Variants in CNIH3 observed in about 807,000 individuals in gnomAD.
CNIH3 encodes the protein cornichon family AMPA receptor auxiliary protein 3.
A neutral mutation model predicts 24.1 loss-of-function variants in CNIH3; 14 were observed. That is an observed-to-expected ratio of 0.58 (90% CI 0.38 to 0.91). The LOEUF (loss-of-function observed/expected upper bound fraction) is 0.91, where lower values mean the gene tolerates loss of function less well. Ranked by LOEUF, CNIH3 falls within the 40% of genes least tolerant of loss-of-function variation. The probability of loss-of-function intolerance (pLI) is 0.00; values close to 1 mark genes in which losing one functional copy is unlikely to be tolerated. For synonymous variants in CNIH3, 68 were observed against 73.8 expected, an observed-to-expected ratio of 0.92 and a Z score of 0.40; for missense variants, 178 against 196.8, an observed-to-expected ratio of 0.90 and a Z score of 0.57.
chr1:224,736,830 G>C (rs529506293), intron 5 of CNIH3, among the ~76,000 whole-genome samples: 54 of 152,312 alleles, frequency 3.5e-4, no homozygotes, highest in African/African-American at 1.2e-3. Flanking sequence ...CTTGTCAGAT[G>C]GGTTTCTGTC....
intron 1 of CNIH3, among the ~76,000 whole-genome samples, chr1:224,504,303 G>A (rs964064853): frequency 5.9e-5 from 9 of 152,192 alleles, no homozygotes; most frequent in African/African-American, 9.7e-5. Context: ...CTCAGTAAAT[G>A]TTACCCATTG....
intron 4 of CNIH3, among the ~76,000 whole-genome samples, chr1:224,572,088 T>C (rs1042110775): frequency 6.6e-6 from 1 of 152,162 alleles, no homozygotes; most frequent in East Asian, 1.9e-4. Context: ...ATAAGGAAGA[T>C]ATCTGGATTA....
chr1:224,697,477 A>C (rs571740200), intron 3 of CNIH3, among the ~76,000 whole-genome samples: 1 of 152,256 alleles, frequency 6.6e-6, no homozygotes, highest in East Asian at 1.9e-4. Context: ...GTAATTTTCA[A>C]AATGGTAGCA....
rs1156427839 is a variant in CNIH3, at chr1:224,739,860, C to T, written c.*504C>T. On this transcript the variant is annotated 3_prime_UTR_variant, in exon 6 of 6. Coordinates refer to ENST00000272133, the MANE Select transcript of CNIH3 (RefSeq NM_152495.2). ...GACTCTTGTTGCCTTTCTTCCAAGCCATGGCCATGCCCTTTTTCTCAAATG... is the reference window on the plus strand; with the variant it reads ...GACTCTTGTTGCCTTTCTTCCAAGCTATGGCCATGCCCTTTTTCTCAAATG... 6.5e-6 allele frequency: 1 copy of T among 154,932 alleles called. No individual in the cohort carries two copies. The highest frequency in any genetic ancestry group is 1.4e-5 in the Non-Finnish European group (1 of 70,204). 9.6% of individuals were successfully genotyped at this position (154,932 alleles called of 1,614,324 possible).
Position 224,658,944 on chromosome 1 carries a change from A to C in CNIH3, c.82-22014A>C, listed in dbSNP as rs74146245. Among the ~76,000 whole-genome samples the C allele has an allele frequency of 1.8e-3, 267 of 152,374 alleles. 1 individual carries two copies. The highest frequency in any genetic ancestry group is 6.3e-3 in the African/African-American group (260 of 41,588). Reference sequence around the variant, plus strand: ...TCATAACCTTTTATAATTTTCTATCAGAGCAGATCAATGCTTCAAGAAAAT... The same window carrying C: ...TCATAACCTTTTATAATTTTCTATCCGAGCAGATCAATGCTTCAAGAAAAT... On this transcript the variant is annotated intron_variant, in intron 1 of 5. Transcript: ENST00000272133.
downstream of CNIH3, among the ~76,000 whole-genome samples, chr1:224,589,117 C>T (rs897102928): frequency 5.9e-5 from 9 of 151,948 alleles, no homozygotes; most frequent in African/African-American, 1.2e-4. Flanking sequence ...ACCTGCAATG[C>T]GCGAGTTGAA....
At chr1:224,506,828 G>A (rs917935624) in intron 1 of CNIH3, among the ~76,000 whole-genome samples, 5 of 152,088 alleles carry the variant, frequency 3.3e-5, no homozygotes, top group African/African-American at 4.8e-5. Context: ...GTATCTACAC[G>A]TTGATGAGAA....
chr1:224,602,914 T>C (rs994070147), intron 3 of CNIH3, among the ~76,000 whole-genome samples: 1 of 152,200 alleles, frequency 6.6e-6, no homozygotes, highest in Admixed American at 6.5e-5. Flanking sequence ...AACCGAAAAG[T>C]ATCTGAGACA....
intron 1 of CNIH3, among the ~76,000 whole-genome samples, chr1:224,484,436 A>T (rs1216749020): frequency 6.6e-6 from 1 of 152,136 alleles, no homozygotes; most frequent in East Asian, 1.9e-4. Flanking sequence ...TTTAAAAAAA[A>T]AAAAAAGATT....
intron 5 of CNIH3, among the ~76,000 whole-genome samples, chr1:224,584,432 G>T (rs1192178050): frequency 6.6e-6 from 1 of 152,094 alleles, no homozygotes; most frequent in Non-Finnish European, 1.5e-5. Context: ...TTTTGTTTGG[G>T]GGCTAGAAAA....
At chr1:224,718,430 G>A (rs756879794) in intron 3 of CNIH3, among the ~76,000 whole-genome samples, 3 of 152,184 alleles carry the variant, frequency 2.0e-5, no homozygotes, top group Admixed American at 6.5e-5. Context: ...GGGTTGTAGG[G>A]CCCAGGGGCA....
At chr1:224,737,019 C>T (rs931836033) in intron 5 of CNIH3, among the ~76,000 whole-genome samples, 17 of 152,216 alleles carry the variant, frequency 1.1e-4, no homozygotes, top group African/African-American at 4.1e-4. Flanking sequence ...TGTCTCTCCT[C>T]TAAGCCAACA....
At chr1:224,717,113 G>A (rs1377075383) in intron 3 of CNIH3, among the ~76,000 whole-genome samples, 1 of 152,220 alleles carries the variant, frequency 6.6e-6, no homozygotes, top group African/African-American at 2.4e-5. Context: ...TGAGGCATTT[G>A]GTGTGTGTGT....
At chr1:224,707,689 A>G (rs1419234980) in intron 3 of CNIH3, among the ~76,000 whole-genome samples, 1 of 152,204 alleles carries the variant, frequency 6.6e-6, no homozygotes, top group African/African-American at 2.4e-5. Context: ...CTGTGGGATC[A>G]TAATCTGCAT....
chr1:224,727,804 T>C (rs1689114105), intron 3 of CNIH3, among the ~76,000 whole-genome samples: 1 of 152,086 alleles, frequency 6.6e-6, no homozygotes, highest in Non-Finnish European at 1.5e-5. Flanking sequence ...TGGAGGAGCC[T>C]CTTCTACTTG....
chr1:224,574,823 T>C, intron 4 of CNIH3: 1 of 929,452 alleles, frequency 1.1e-6, no homozygotes, highest in Non-Finnish European at 1.8e-6. Flanking sequence ...AGCCAGGTAA[T>C]GGTAATGTGG....
chr1:224,459,076 T>G (rs1457877339), intron 1 of CNIH3: 3 of 341,558 alleles, frequency 8.8e-6, no homozygotes, highest in Non-Finnish European at 1.2e-5. Context: ...CAGTGTCTAT[T>G]ATCTGTTTGA....
At chr1:224,590,684 C>T (rs904743610), downstream of CNIH3, among the ~76,000 whole-genome samples, 2 of 152,252 alleles carry the variant, frequency 1.3e-5, no homozygotes, top group South Asian at 4.1e-4. Flanking sequence ...CCTAAACACC[C>T]CCCCTTAGGT....
Position 224,682,849 on chromosome 1 carries a change from C to T in CNIH3, c.150+1823C>T, listed in dbSNP as rs10157623. ...TAATAGGCAGCTCACTTAGAACACC[C>T]AGAGCTTTCTTGTCTGATTCCAGGG... On this transcript the variant is annotated intron_variant, in intron 2 of 5. Coordinates refer to ENST00000272133, the MANE Select transcript of CNIH3 (RefSeq NM_152495.2). Among the ~76,000 whole-genome samples, 877 of 152,322 alleles carry T rather than the reference C, an allele frequency of 5.8e-3. 9 individuals are homozygous for T. Among genetic ancestry groups the T allele is most frequent in the African/African-American group, 0.02 (811 of 41,574 alleles).
Sources: gnomAD v4.1 joint callset for allele counts (sites outside exome capture counted in the v4.1 genomes callset) on GRCh38, gnomAD v4.1.1 for gene constraint, MANE v1.5 for transcripts, NCBI Gene and HGNC (gene_info 2026-07-23, HGNC 2026-07-21) for gene names.